Variants in CCDC192 observed in about 807,000 individuals in gnomAD.
The protein encoded by CCDC192 is coiled-coil domain containing 192.
chr5:127,838,117 A>G (rs1460567924), intron 5 of CCDC192, among the ~76,000 whole-genome samples: 2 of 152,202 alleles, frequency 1.3e-5, no homozygotes, highest in African/African-American at 4.8e-5. Context: ...TGGGTAAGCA[A>G]TCCTGTTCAG....
intron 2 of CCDC192, among the ~76,000 whole-genome samples, chr5:127,746,980 A>G (rs1353103793): frequency 6.6e-6 from 1 of 152,104 alleles, no homozygotes; most frequent in African/African-American, 2.4e-5. Flanking sequence ...CAGGAAATGC[A>G]CACATGTAAA....
chr5:127,735,196 A>G (rs1752899236), intron 2 of CCDC192, among the ~76,000 whole-genome samples: 1 of 118,752 alleles, frequency 8.4e-6, no homozygotes, highest in Admixed American at 9.0e-5. Flanking sequence ...TCCTTTCCCC[A>G]TTGCTTGTTT....
chr5:127,850,018 C>T (rs996299005), intron 5 of CCDC192, among the ~76,000 whole-genome samples: 1 of 152,240 alleles, frequency 6.6e-6, no homozygotes, highest in Non-Finnish European at 1.5e-5. Context: ...ATAACATCTG[C>T]TAACTGACTG....
intron 5 of CCDC192, among the ~76,000 whole-genome samples, chr5:127,835,077 T>C (rs1422519756): frequency 6.6e-6 from 1 of 152,222 alleles, no homozygotes; most frequent in Admixed American, 6.5e-5. Flanking sequence ...GATCATGTCT[T>C]TAAATCCTAT....
intron 5 of CCDC192, among the ~76,000 whole-genome samples, chr5:127,864,870 G>A (rs1751534692): frequency 4.6e-5 from 7 of 152,150 alleles, no homozygotes. Flanking sequence ...TATAATGGCT[G>A]GGCATGGTGG....
chr5:127,775,467 G>A (rs1755803389), intron 3 of CCDC192, among the ~76,000 whole-genome samples: 1 of 152,156 alleles, frequency 6.6e-6, no homozygotes, highest in Admixed American at 6.5e-5. Context: ...TCTGCCTCCT[G>A]ACCAACTCCA....
At chr5:127,741,759 C>T (rs1283926370) in intron 2 of CCDC192, among the ~76,000 whole-genome samples, 1 of 152,148 alleles carries the variant, frequency 6.6e-6, no homozygotes, top group Non-Finnish European at 1.5e-5. Context: ...TTGCAAGGTC[C>T]TTTTTCTCCT....
intron 5 of CCDC192, among the ~76,000 whole-genome samples, chr5:127,830,283 T>C (rs561481722): frequency 4.7e-4 from 72 of 152,340 alleles, no homozygotes; most frequent in Non-Finnish European, 8.4e-4. Context: ...GTGGTTTCCA[T>C]TTATTTTTGT....
At chr5:127,902,464 C>T (rs1222652070) in intron 6 of CCDC192, among the ~76,000 whole-genome samples, 2 of 152,044 alleles carry the variant, frequency 1.3e-5, no homozygotes, top group East Asian at 1.9e-4. Context: ...ACTTCCTGCT[C>T]TCATTTAGTT....
chr5:127,769,703 C>T (rs377573153), intron 3 of CCDC192, among the ~76,000 whole-genome samples: 10 of 152,156 alleles, frequency 6.6e-5, no homozygotes, highest in Middle Eastern at 3.4e-3. Context: ...ATGAGGTGCT[C>T]AAATGTGTAA....
chr5:127,918,827 A>G (rs1018082748), intron 6 of CCDC192, among the ~76,000 whole-genome samples: 4 of 148,394 alleles, frequency 2.7e-5, no homozygotes, highest in Non-Finnish European at 4.4e-5. Context: ...GTGTCTCTGT[A>G]TGTCTCTCTG....
intron 5 of CCDC192, among the ~76,000 whole-genome samples, chr5:127,875,262 A>G (rs1561534423): frequency 6.6e-6 from 1 of 152,232 alleles, no homozygotes; most frequent in African/African-American, 2.4e-5. Flanking sequence ...CCTCTATTAT[A>G]AGCAACAGGG....
chr5:127,893,790 A>G (rs961996674), intron 6 of CCDC192, among the ~76,000 whole-genome samples: 5 of 152,240 alleles, frequency 3.3e-5, no homozygotes, highest in Admixed American at 2.6e-4. Context: ...TTGCATATAT[A>G]TATACCAAAC....
At chr5:127,783,033 T>C (rs1274084050) in intron 3 of CCDC192, among the ~76,000 whole-genome samples, 3 of 151,274 alleles carry the variant, frequency 2.0e-5, no homozygotes, top group Non-Finnish European at 4.4e-5. Context: ...TTTCACTCTG[T>C]CACCCAGGCT....
At chr5:127,776,700 C>T (rs1220334259) in intron 3 of CCDC192, among the ~76,000 whole-genome samples, 2 of 152,180 alleles carry the variant, frequency 1.3e-5, no homozygotes, top group Admixed American at 6.5e-5. Context: ...GCCCATGGTC[C>T]CTCTGCTGTA....
chr5:127,764,498 C>A (rs375302538), intron 3 of CCDC192, among the ~76,000 whole-genome samples: 1 of 152,162 alleles, frequency 6.6e-6, no homozygotes, highest in East Asian at 1.9e-4. Flanking sequence ...TGATTCATTT[C>A]TTATGGACAA....
chr5:127,936,658 T>C (rs1438758320), intron 6 of CCDC192, among the ~76,000 whole-genome samples: 7 of 152,250 alleles, frequency 4.6e-5, no homozygotes, highest in Non-Finnish European at 4.4e-5. Context: ...GATGAGTTTA[T>C]ACCCTCACTG....
Position 127,875,543 on chromosome 5 carries a change from A to G in CCDC192, c.417A>G (p.Leu139=). ...TTATTTTTTTTTTTTTTAAGAAACT[A>G]AAGCATGAAAAGAAAGTGAAAAAAC... ...ASQEQLIAQK[L]KHEKKVKKLQ... Residue 139 remains leucine, a synonymous_variant, in exon 6 of 7, where the codon CTA becomes CTG. Coordinates refer to ENST00000514853, the MANE Select transcript of CCDC192 (RefSeq NM_001317938.2). The G allele has an allele frequency of 2.5e-6, 1 of 398,588 alleles. No individual in the cohort carries two copies. Among genetic ancestry groups the G allele is most frequent in the Non-Finnish European group, 4.4e-6 (1 of 225,934 alleles). The allele number at this position is 398,588 out of a possible 1,614,324, so 24.7% of individuals were successfully genotyped here. A position where few individuals can be genotyped will look rare whatever the true frequency, so the allele number is the denominator to read the frequency against.
At chr5:127,728,484 A>G (rs571663716) in intron 2 of CCDC192, among the ~76,000 whole-genome samples, 26 of 152,238 alleles carry the variant, frequency 1.7e-4, no homozygotes, top group Non-Finnish European at 3.8e-4. Context: ...TCCTTTTCAG[A>G]CAAGCAAATG....
Sources: gnomAD v4.1 joint callset for allele counts (sites outside exome capture counted in the v4.1 genomes callset) on GRCh38, gnomAD v4.1.1 for gene constraint, MANE v1.5 for transcripts, NCBI Gene and HGNC (gene_info 2026-07-23, HGNC 2026-07-21) for gene names.